PIN4: variants seen among roughly 807,000 people sequenced by gnomAD.
The protein encoded by PIN4 is peptidylprolyl cis/trans isomerase, NIMA-interacting 4.
In PIN4, 3 loss-of-function variants were observed where a neutral mutation model predicts 8.3. The ratio of observed to expected loss-of-function variants is 0.36; its 90% CI spans 0.16 to 0.93. The LOEUF (loss-of-function observed/expected upper bound fraction) is 0.93. Ranked by LOEUF, PIN4 falls within the 40% of genes least tolerant of loss-of-function variation. The pLI is 0.44. For missense variants in PIN4, 75 were observed against 100.6 expected (o/e 0.75, Z 1.09); for synonymous variants, 18 against 32.5 (o/e 0.55, Z 1.52).
downstream of PIN4, among the ~76,000 whole-genome samples, chrX:72,201,404 G>A (rs1014732294): frequency 9.0e-5 from 10 of 111,168 alleles, no homozygotes; most frequent in African/African-American, 3.3e-4. Flanking sequence ...CCAGCCTGAG[G>A]AACATGGTGA....
intron 3 of PIN4, among the ~76,000 whole-genome samples, chrX:72,233,721 C>CAAAAAAAAAAAA (rs35310682): frequency 3.3e-5 from 3 of 89,703 alleles, no homozygotes; most frequent in Non-Finnish European, 2.1e-5. Flanking sequence ...GACTCCGTCT[C>CAAAAAAAAAAAA]AAAAAAAAAA....
At chrX:72,257,323 A>AAAAAGAAAAG (rs150937886) in intron 3 of PIN4, among the ~76,000 whole-genome samples, 9 of 110,658 alleles carry the variant, frequency 8.1e-5, no homozygotes, top group African/African-American at 2.3e-4. Flanking sequence ...TCTGTCTCGA[A>AAAAAGAAAAG]AAAAGAAAAG....
At chrX:72,232,955 T>C (rs917970039) in intron 3 of PIN4, among the ~76,000 whole-genome samples, 2 of 110,398 alleles carry the variant, frequency 1.8e-5, no homozygotes, top group Admixed American at 1.9e-4. Flanking sequence ...AAAAAACTGA[T>C]TTGAGCAATA....
chrX:72,206,457 G>A, intron 3 of PIN4: 1 of 1,210,783 alleles, frequency 8.3e-7, no homozygotes, highest in Non-Finnish European at 1.1e-6. Context: ...TTGCCATTTT[G>A]GAACTGATAT....
Position 72,195,392 on chromosome X carries a change from C to G in PIN4, c.118-1393C>G, listed in dbSNP as rs1411475991. On this transcript the variant is annotated intron_variant, in intron 2 of 3. Coordinates refer to ENST00000373669, the MANE Select transcript of PIN4 (RefSeq NM_006223.4). ...CACGGTGTGCTGACACCTGTAATCC[C>G]AGCACTTTGGGAGCTGAGGTGGGCA... 6.3e-5 allele frequency among the ~76,000 whole-genome samples: 7 copies of G among 111,766 alleles called. No homozygotes were observed. In the East Asian group the frequency reaches 2.0e-3, roughly 31 times the overall value.
At chrX:72,196,633 G>A (rs767762807) in intron 2 of PIN4, 152 bp from the exon 3 acceptor site, 113 of 425,188 alleles carry the variant, frequency 2.7e-4, no homozygotes, top group South Asian at 3.7e-4. Context: ...TGGGATTGTG[G>A]TTGTTGTCCT....
intron 3 of PIN4, among the ~76,000 whole-genome samples, chrX:72,229,035 A>G (rs974370863): frequency 9.0e-6 from 1 of 111,043 alleles, no homozygotes; most frequent in Non-Finnish European, 1.9e-5. Flanking sequence ...CAATTATCCT[A>G]CTTCCAGGGC....
At chrX:72,251,378 T>G (rs1191426162) in intron 3 of PIN4, among the ~76,000 whole-genome samples, 1 of 68,578 alleles carries the variant, frequency 1.5e-5, no homozygotes, top group Non-Finnish European at 2.4e-5. Flanking sequence ...AAAAAAAATA[T>G]GTGTGAGTGT....
At chrX:72,239,771 CA>C (rs1170667492) in intron 3 of PIN4, among the ~76,000 whole-genome samples, 104 of 13,862 alleles carry the variant, frequency 7.5e-3, no homozygotes, top group African/African-American at 0.028. Context: ...GACTCCATCT[CA>C]AAAAAAAAAA....
chrX:72,251,362 C>CAAA (rs35914181), intron 3 of PIN4, among the ~76,000 whole-genome samples: 1 of 65,628 alleles, frequency 1.5e-5, no homozygotes, highest in Non-Finnish European at 2.4e-5. Flanking sequence ...GACTCTGTCT[C>CAAA]AAAAAAAAAA....
At chrX:72,196,720 A>G in intron 2 of PIN4, 65 bp from the exon 3 acceptor site, 1 of 989,578 alleles carries the variant, frequency 1.0e-6, no homozygotes, top group Admixed American at 2.7e-5. Context: ...TCCAAATGTA[A>G]CCACTGTACT....
chrX:72,198,269 G>A lies in PIN4; in HGVS notation c.*743G>A, dbSNP rs1305101967. ...TTAAAATTTAAAATGCCATATTTATGACATATAAAAAAGTATAAAGATTAC... is the reference window on the plus strand; with the variant it reads ...TTAAAATTTAAAATGCCATATTTATAACATATAAAAAAGTATAAAGATTAC... On this transcript the variant is annotated 3_prime_UTR_variant, in exon 4 of 4. Coordinates refer to ENST00000373669, the MANE Select transcript of PIN4 (RefSeq NM_006223.4). 7 of 711,517 alleles carry A rather than the reference G, an allele frequency of 9.8e-6. No individual in the cohort carries two copies. Among genetic ancestry groups the A allele is most frequent in the Non-Finnish European group, 1.2e-5 (7 of 600,998 alleles). The allele number at this position is 711,517 out of a possible 1,213,427, so 58.6% of individuals were successfully genotyped here.
At chrX:72,258,954 T>TAA (rs5902701) in intron 3 of PIN4, among the ~76,000 whole-genome samples, 2 of 109,800 alleles carry the variant, frequency 1.8e-5, no homozygotes, top group African/African-American at 6.7e-5. Context: ...CGCCAGAAAA[T>TAA]AAAAAAAATT....
chrX:72,250,918 T>G (rs916906210), intron 3 of PIN4, among the ~76,000 whole-genome samples: 1 of 107,625 alleles, frequency 9.3e-6, no homozygotes, highest in Non-Finnish European at 1.9e-5. Flanking sequence ...TTTTGTATTT[T>G]TAGTAGATAT....
chrX:72,182,065 A>G, intron 1 of PIN4: 1 of 404,790 alleles, frequency 2.5e-6, no homozygotes, highest in Non-Finnish European at 4.5e-6. Context: ...TGCTATTTCA[A>G]GGGGTTATTA....
chrX:72,194,915 C>T (rs1371121714), intron 2 of PIN4, among the ~76,000 whole-genome samples: 1 of 111,092 alleles, frequency 9.0e-6, no homozygotes, highest in Non-Finnish European at 1.9e-5. Context: ...AATACTTAAA[C>T]CATTGTGTTA....
chrX:72,241,594 G>A (rs956125069), intron 3 of PIN4, among the ~76,000 whole-genome samples: 2 of 112,391 alleles, frequency 1.8e-5, no homozygotes, highest in African/African-American at 3.2e-5. Context: ...AGGCTGAGGC[G>A]GGCAGATCAT....
intron 3 of PIN4, among the ~76,000 whole-genome samples, chrX:72,220,155 G>A (rs1185478848): frequency 9.1e-6 from 1 of 110,377 alleles, no homozygotes; most frequent in Non-Finnish European, 1.9e-5. Flanking sequence ...TTTTAGGCAT[G>A]TTAAATCTGA....
chrX:72,195,908 C>G (rs1201251522), intron 2 of PIN4, among the ~76,000 whole-genome samples: 2 of 109,809 alleles, frequency 1.8e-5, no homozygotes, highest in African/African-American at 6.7e-5. Context: ...CACTTGAGGT[C>G]AGGGGTTCAA....
Sources: allele counts gnomAD v4.1 joint callset (sites outside exome capture counted in the v4.1 genomes callset), GRCh38; gene constraint gnomAD v4.1.1; transcripts MANE v1.5; gene names NCBI Gene and HGNC (gene_info 2026-07-23, HGNC 2026-07-21).